NKAIN3: variants seen among roughly 807,000 people sequenced by gnomAD.
The protein encoded by NKAIN3 is sodium/potassium transporting ATPase interacting 3.
A neutral mutation model predicts 30.2 loss-of-function variants in NKAIN3; 25 were observed. The observed-to-expected ratio is 0.83, with a 90% confidence interval of 0.60 to 1.16. The LOEUF is 1.16. Among genes scored for constraint, NKAIN3 ranks in the 50% most tolerant of loss-of-function variants. The probability of loss-of-function intolerance (pLI) is 0.00; values close to 1 mark genes in which losing one functional copy is unlikely to be tolerated. For missense variants in NKAIN3, 225 were observed against 254.1 expected (o/e 0.89, Z 0.78); for synonymous variants, 91 against 89.6 (o/e 1.02, Z -0.09).
chr8:62,777,170 G>T (rs1265052916), intron 4 of NKAIN3, among the ~76,000 whole-genome samples: 2 of 152,084 alleles, frequency 1.3e-5, no homozygotes, highest in African/African-American at 4.8e-5. Flanking sequence ...ATAGTTTGAG[G>T]AGCCTTCTTT....
chr8:62,432,235 G>A (rs992675101), intron 1 of NKAIN3, among the ~76,000 whole-genome samples: 1 of 151,970 alleles, frequency 6.6e-6, no homozygotes, highest in African/African-American at 2.4e-5. Flanking sequence ...AATCATCAGA[G>A]ACTAAAGAAT....
chr8:62,515,277 C>T (rs188168919), intron 1 of NKAIN3, among the ~76,000 whole-genome samples: 4 of 151,972 alleles, frequency 2.6e-5, no homozygotes, highest in South Asian at 2.1e-4. Flanking sequence ...TTTTAGTTAG[C>T]AAATAAAAAG....
chr8:62,944,655 C>T (rs1823071046), intron 5 of NKAIN3, among the ~76,000 whole-genome samples: 1 of 152,040 alleles, frequency 6.6e-6, no homozygotes, highest in African/African-American at 2.4e-5. Flanking sequence ...TCCCTGTAAA[C>T]TGGAAATTTT....
chr8:62,733,641 T>C (rs969953503), intron 3 of NKAIN3, among the ~76,000 whole-genome samples: 1 of 152,178 alleles, frequency 6.6e-6, no homozygotes, highest in African/African-American at 2.4e-5. Flanking sequence ...TTCATTAAGT[T>C]TGAAAATTCT....
Position 62,454,012 on chromosome 8 carries a change from A to G in NKAIN3, c.55-125527A>G, listed in dbSNP as rs1805731845. Among the ~76,000 whole-genome samples, 5 of 152,168 alleles carry G rather than the reference A, an allele frequency of 3.3e-5. No homozygotes were observed. In the South Asian group the frequency reaches 1.0e-3, roughly 32 times the overall value. On this transcript the variant is annotated intron_variant, in intron 1 of 6. Coordinates refer to ENST00000623646, the MANE Select transcript of NKAIN3 (RefSeq NM_001304533.3). Reference sequence around the variant, plus strand: ...CCAAAGAATTTTCTAAAACTTGATTATAAACATTTAGAAATTAAGACTTCA... The same window carrying G: ...CCAAAGAATTTTCTAAAACTTGATTGTAAACATTTAGAAATTAAGACTTCA...
At chr8:62,991,946 G>A (rs1469172056) in intron 5 of NKAIN3, among the ~76,000 whole-genome samples, 2 of 150,338 alleles carry the variant, frequency 1.3e-5, no homozygotes, top group South Asian at 2.1e-4. Context: ...TGGAGTTGAG[G>A]TGCCACTGAG....
chr8:62,395,816 G>C (rs183045468), intron 1 of NKAIN3, among the ~76,000 whole-genome samples: 116 of 152,208 alleles, frequency 7.6e-4, no homozygotes, highest in Non-Finnish European at 1.5e-3. Flanking sequence ...AGAAATACTT[G>C]AGCAATTGAT....
intron 4 of NKAIN3, among the ~76,000 whole-genome samples, chr8:62,843,572 T>G (rs928723637): frequency 1.3e-5 from 2 of 151,974 alleles, no homozygotes; most frequent in African/African-American, 2.4e-5. Flanking sequence ...TGACCTCAAG[T>G]GATCAGCCCA....
At chr8:62,989,666 C>T (rs1308088212), downstream of NKAIN3, among the ~76,000 whole-genome samples, 1 of 152,050 alleles carries the variant, frequency 6.6e-6, no homozygotes, top group Non-Finnish European at 1.5e-5. Flanking sequence ...CCACTGCACT[C>T]CAACAGAGGG....
At chr8:62,783,166 C>T (rs569853802) in intron 4 of NKAIN3, among the ~76,000 whole-genome samples, 346 of 151,890 alleles carry the variant, frequency 2.3e-3, no homozygotes, top group Non-Finnish European at 4.2e-3. Context: ...AGCTTTTGTC[C>T]CCCCAAAATT....
chr8:62,929,274 C>A (rs1822543686), intron 5 of NKAIN3, among the ~76,000 whole-genome samples: 2 of 152,120 alleles, frequency 1.3e-5, no homozygotes, highest in South Asian at 4.2e-4. Flanking sequence ...CCAGAGACTG[C>A]ATTGTAAATC....
intron 3 of NKAIN3, among the ~76,000 whole-genome samples, chr8:62,635,351 AG>A: frequency 6.6e-6 from 1 of 152,302 alleles, no homozygotes; most frequent in African/African-American, 2.4e-5. Flanking sequence ...TGATGATAAA[AG>A]GCCTGATTTG....
At chr8:62,848,663 T>G (rs1213178428) in intron 4 of NKAIN3, among the ~76,000 whole-genome samples, 3 of 152,154 alleles carry the variant, frequency 2.0e-5, no homozygotes, top group Non-Finnish European at 4.4e-5. Flanking sequence ...CTTTATTTCT[T>G]TCTCTTGCCT....
intron 3 of NKAIN3, among the ~76,000 whole-genome samples, chr8:62,728,876 G>A (rs1319515273): frequency 1.3e-5 from 2 of 150,574 alleles, no homozygotes; most frequent in Non-Finnish European, 3.0e-5. Flanking sequence ...TATAGTCCCA[G>A]CTACTCAGGA....
At chr8:62,669,013 G>A (rs954038364) in intron 3 of NKAIN3, among the ~76,000 whole-genome samples, 2 of 152,036 alleles carry the variant, frequency 1.3e-5, no homozygotes, top group Non-Finnish European at 2.9e-5. Flanking sequence ...TAATCAGAAA[G>A]GTCTACCACT....
At chr8:62,883,271 G>A (rs1314412359) in intron 4 of NKAIN3, among the ~76,000 whole-genome samples, 3 of 151,998 alleles carry the variant, frequency 2.0e-5, no homozygotes, top group Non-Finnish European at 4.4e-5. Context: ...AATATCTTGT[G>A]CATATTTTGT....
At chr8:62,272,740 A>G (rs756091202) in intron 1 of NKAIN3, among the ~76,000 whole-genome samples, 12 of 152,086 alleles carry the variant, frequency 7.9e-5, no homozygotes, top group African/African-American at 2.4e-4. Context: ...ACTCCATCCA[A>G]TCCTCTAACT....
intron 3 of NKAIN3, among the ~76,000 whole-genome samples, chr8:62,680,323 C>T (rs1813611411): frequency 6.6e-6 from 1 of 152,186 alleles, no homozygotes; most frequent in Non-Finnish European, 1.5e-5. Context: ...ACTCTAAGCA[C>T]AATTCCAGCC....
intron 6 of NKAIN3, among the ~76,000 whole-genome samples, chr8:62,960,532 TA>T (rs1823541853): frequency 6.6e-6 from 1 of 151,748 alleles, no homozygotes; most frequent in Admixed American, 6.6e-5. Context: ...ATCAACAACA[TA>T]AAAAAAGTCA....
Sources: allele counts gnomAD v4.1 joint callset (sites outside exome capture counted in the v4.1 genomes callset), GRCh38; gene constraint gnomAD v4.1.1; transcripts MANE v1.5; gene names NCBI Gene and HGNC (gene_info 2026-07-23, HGNC 2026-07-21).